Variants in REDIC1 observed in about 807,000 individuals in gnomAD.
REDIC1 encodes the protein regulator of DNA class I crossover intermediates 1.
At chr12:39,712,222 G>A in the REDIC1 span, among the ~76,000 whole-genome samples, 1 of 112,772 alleles carries the variant, frequency 8.9e-6, no homozygotes, top group African/African-American at 3.2e-5. Context: ...ATATATACAT[G>A]TATATATACC....
At chr12:39,717,698 TCTA>T in the REDIC1 span, among the ~76,000 whole-genome samples, 1 of 152,124 alleles carries the variant, frequency 6.6e-6, no homozygotes. Context: ...CAATTCTTCT[TCTA>T]CTGTTTACTT....
the REDIC1 span, among the ~76,000 whole-genome samples, chr12:39,798,596 G>A: frequency 1.3e-5 from 2 of 152,184 alleles, no homozygotes; most frequent in African/African-American, 4.8e-5. Context: ...CTTCTGTCCT[G>A]AGCAGGCCCT....
At chr12:39,864,640 T>C in the REDIC1 span, 1 of 1,338,580 alleles carries the variant, frequency 7.5e-7, no homozygotes, top group Admixed American at 2.3e-5. Context: ...TTTTCTTCCC[T>C]TCTTACATAA....
At chr12:39,764,349 T>TA in the REDIC1 span, 1 of 1,032,900 alleles carries the variant, frequency 9.7e-7, no homozygotes, top group African/African-American at 1.6e-5. Context: ...TGGAGATACT[T>TA]ATAACAGCAA....
chr12:39,725,854 G>T, the REDIC1 span, among the ~76,000 whole-genome samples: 2 of 151,976 alleles, frequency 1.3e-5, no homozygotes, highest in South Asian at 4.1e-4. Context: ...ACAGCGAATT[G>T]AGGTAGCTGG....
the REDIC1 span, among the ~76,000 whole-genome samples, chr12:39,770,687 A>G: frequency 6.6e-6 from 1 of 152,330 alleles, no homozygotes; most frequent in East Asian, 1.9e-4. Flanking sequence ...TGGTATATGC[A>G]TAGCATAAGT....
chr12:39,896,686 C>T, the REDIC1 span, among the ~76,000 whole-genome samples: 1 of 151,728 alleles, frequency 6.6e-6, no homozygotes. Context: ...TAATATCCCT[C>T]GTTATCTGCA....
the REDIC1 span, chr12:39,626,440 G>A: frequency 6.4e-7 from 1 of 1,569,578 alleles, no homozygotes; most frequent in East Asian, 2.2e-5. Context: ...AGAGGTCACA[G>A]CCTTAGCTGG....
chr12:39,714,588 G>T, the REDIC1 span, among the ~76,000 whole-genome samples: 1 of 151,730 alleles, frequency 6.6e-6, no homozygotes, highest in African/African-American at 2.4e-5. Context: ...CCATTAGTGG[G>T]ACTGCTGGAC....
chr12:39,651,660 ATTCT>A, the REDIC1 span, among the ~76,000 whole-genome samples: 2 of 152,110 alleles, frequency 1.3e-5, no homozygotes, highest in Non-Finnish European at 2.9e-5. Context: ...CTATGACATC[ATTCT>A]TTCTTGCCTG....
chr12:39,677,958 T>G, the REDIC1 span, among the ~76,000 whole-genome samples: 1 of 151,572 alleles, frequency 6.6e-6, no homozygotes, highest in Non-Finnish European at 1.5e-5. Context: ...AAGAGGAAAG[T>G]TAATAGCATT....
the REDIC1 span, among the ~76,000 whole-genome samples, chr12:39,664,918 C>A: frequency 0.011 from 1,629 of 150,808 alleles, 27 homozygotes; most frequent in African/African-American, 0.036. Context: ...CTTTTTGATG[C>A]GGTTGTTTTT....
chr12:39,724,180 T>A, the REDIC1 span, among the ~76,000 whole-genome samples: 2 of 152,032 alleles, frequency 1.3e-5, no homozygotes, highest in Non-Finnish European at 2.9e-5. Flanking sequence ...TAAATACTCC[T>A]CCCTTGCCTC....
chr12:39,879,659 C>G, the REDIC1 span, among the ~76,000 whole-genome samples: 1 of 152,138 alleles, frequency 6.6e-6, no homozygotes, highest in Admixed American at 6.5e-5. Context: ...ATGCCTATAC[C>G]CCCAGTGTAT....
At chr12:39,711,963 CTA>C in the REDIC1 span, among the ~76,000 whole-genome samples, 23 of 122,416 alleles carry the variant, frequency 1.9e-4, no homozygotes, top group African/African-American at 6.8e-4. Context: ...ACATATATAT[CTA>C]TGTATATATA....
At chr12:39,890,906 C>T in the REDIC1 span, among the ~76,000 whole-genome samples, 109 of 152,136 alleles carry the variant, frequency 7.2e-4, no homozygotes, top group Middle Eastern at 0.01. Context: ...CAAAGTGGTA[C>T]ATATTACATA....
At chr12:39,816,319 G>C in the REDIC1 span, among the ~76,000 whole-genome samples, 1 of 151,492 alleles carries the variant, frequency 6.6e-6, no homozygotes, top group African/African-American at 2.4e-5. Context: ...CCGTAGGTTG[G>C]GTTGCCTAGA....
chr12:39,685,292 G>A, the REDIC1 span, among the ~76,000 whole-genome samples: 2 of 152,196 alleles, frequency 1.3e-5, no homozygotes, highest in African/African-American at 4.8e-5. Flanking sequence ...TCTGCAGGCT[G>A]TACAGGAAGC....
the REDIC1 span, among the ~76,000 whole-genome samples, chr12:39,642,528 A>G: frequency 6.6e-6 from 1 of 151,628 alleles, no homozygotes; most frequent in Non-Finnish European, 1.5e-5. Flanking sequence ...TTGTGTCATC[A>G]TCTCCCTCAC....
Sources: gnomAD v4.1 joint callset for allele counts (sites outside exome capture counted in the v4.1 genomes callset) on GRCh38, gnomAD v4.1.1 for gene constraint, MANE v1.5 for transcripts, NCBI Gene and HGNC (gene_info 2026-07-23, HGNC 2026-07-21) for gene names.